PTPRD: variants seen among roughly 807,000 people sequenced by gnomAD.
PTPRD encodes the protein receptor-type tyrosine-protein phosphatase delta.
A neutral mutation model predicts 214.5 loss-of-function variants in PTPRD; 34 were observed. The ratio of observed to expected loss-of-function variants is 0.16; its 90% CI spans 0.12 to 0.21. PTPRD has a LOEUF of 0.21. Among genes scored for constraint, PTPRD ranks in the 10% least tolerant of loss-of-function variants. PTPRD has a pLI of 1.00. For missense variants in PTPRD, 2,545 were observed against 2,398.7 expected (o/e 1.06, Z -1.27); for synonymous variants, 1,128 against 845.7 (o/e 1.33, Z -5.79).
At chr9:8,849,155 C>G (rs902038052) in intron 11 of PTPRD, among the ~76,000 whole-genome samples, 54 of 149,132 alleles carry the variant, frequency 3.6e-4, no homozygotes, top group African/African-American at 1.3e-3. Context: ...TTCAATTCTA[C>G]TCAACTCAAA....
chr9:9,045,147 C>T (rs976066108), intron 10 of PTPRD, among the ~76,000 whole-genome samples: 2 of 152,084 alleles, frequency 1.3e-5, no homozygotes, highest in Admixed American at 6.6e-5. Flanking sequence ...ACTTTACAAC[C>T]TAGGGGATTT....
intron 2 of PTPRD, among the ~76,000 whole-genome samples, chr9:10,610,646 T>C (rs1034494459): frequency 2.0e-5 from 3 of 152,110 alleles, no homozygotes; most frequent in African/African-American, 7.2e-5. Context: ...AAACCAATAA[T>C]AGAAATGTTA....
In PTPRD at chr9:9,370,153, C is replaced by T. The variant is rs1342887927; in HGVS notation, c.-203+27296G>A. Among the ~76,000 whole-genome samples the T allele has an allele frequency of 2.0e-5, 3 of 152,154 alleles. No individual in the cohort carries two copies. In the East Asian group the frequency reaches 5.8e-4, roughly 29 times the overall value. On this transcript the variant is annotated intron_variant, in intron 9 of 45. Coordinates refer to ENST00000381196, the MANE Select transcript of PTPRD (RefSeq NM_002839.4). ...TTTTTTCCAATTCTGTGAAGAAAGTCATTGGTAGCTTGATGGGGATGGCAT... is the reference window on the plus strand; with the variant it reads ...TTTTTTCCAATTCTGTGAAGAAAGTTATTGGTAGCTTGATGGGGATGGCAT...
At chr9:8,799,459 C>T (rs1233046612) in intron 11 of PTPRD, among the ~76,000 whole-genome samples, 2 of 152,168 alleles carry the variant, frequency 1.3e-5, no homozygotes, top group Admixed American at 1.3e-4. Flanking sequence ...GCACTAAATA[C>T]ATCAGCCTAA....
chr9:8,419,470 CCT>C (rs2094200235), intron 35 of PTPRD, among the ~76,000 whole-genome samples: 1 of 151,804 alleles, frequency 6.6e-6, no homozygotes. Flanking sequence ...AAACAAAAAG[CCT>C]AAACAATTTC....
chr9:9,523,375 G>A (rs1430510713), intron 8 of PTPRD, among the ~76,000 whole-genome samples: 1 of 152,112 alleles, frequency 6.6e-6, no homozygotes, highest in Non-Finnish European at 1.5e-5. Context: ...TTGGAGGGGA[G>A]ATATTGGGTT....
At chr9:9,820,866 T>C (rs1177914597) in intron 5 of PTPRD, among the ~76,000 whole-genome samples, 2 of 152,204 alleles carry the variant, frequency 1.3e-5, no homozygotes, top group Non-Finnish European at 2.9e-5. Context: ...ACCAGTACCA[T>C]GCTGTTTTGG....
chr9:8,613,228 T>C (rs2095509112), intron 14 of PTPRD, among the ~76,000 whole-genome samples: 1 of 152,254 alleles, frequency 6.6e-6, no homozygotes, highest in African/African-American at 2.4e-5. Flanking sequence ...CACATGTAGA[T>C]TAAGACAAAG....
chr9:9,328,892 C>T (rs986553441), intron 9 of PTPRD, among the ~76,000 whole-genome samples: 7 of 151,828 alleles, frequency 4.6e-5, no homozygotes, highest in African/African-American at 1.7e-4. Flanking sequence ...CTTGCTTTGG[C>T]CTCCCAAAGT....
chr9:8,909,644 A>G (rs1404849045), intron 11 of PTPRD, among the ~76,000 whole-genome samples: 1 of 152,176 alleles, frequency 6.6e-6, no homozygotes, highest in East Asian at 1.9e-4. Flanking sequence ...CATAATACAT[A>G]ATGATGAAAA....
At chr9:9,306,407 TAAA>T (rs1229513765) in intron 9 of PTPRD, among the ~76,000 whole-genome samples, 1 of 151,060 alleles carries the variant, frequency 6.6e-6, no homozygotes, top group African/African-American at 2.4e-5. Flanking sequence ...CTACTAAAAA[TAAA>T]AAACTAGCTG....
chr9:8,700,165 C>A (rs2098040812), intron 12 of PTPRD, among the ~76,000 whole-genome samples: 1 of 152,144 alleles, frequency 6.6e-6, no homozygotes, highest in Non-Finnish European at 1.5e-5. Context: ...ATGTGACATT[C>A]TGCTGCTGTA....
intron 2 of PTPRD, among the ~76,000 whole-genome samples, chr9:10,409,461 C>G (rs527307975): frequency 6.6e-6 from 1 of 151,790 alleles, no homozygotes; most frequent in South Asian, 2.1e-4. Context: ...AAAATACATC[C>G]ATAAATATGA....
chr9:9,912,429 G>A (rs555308225), intron 5 of PTPRD, among the ~76,000 whole-genome samples: 54 of 152,218 alleles, frequency 3.5e-4, no homozygotes, highest in Non-Finnish European at 7.1e-4. Flanking sequence ...CTATTTCTCT[G>A]GGGTTATCTT....
intron 8 of PTPRD, among the ~76,000 whole-genome samples, chr9:9,557,359 C>G (rs1032303734): frequency 2.0e-5 from 3 of 152,050 alleles, no homozygotes; most frequent in Admixed American, 1.3e-4. Flanking sequence ...AATAAGATAC[C>G]GAACTCCAAC....
intron 8 of PTPRD, among the ~76,000 whole-genome samples, chr9:9,416,075 A>C (rs1033474493): frequency 1.3e-5 from 2 of 152,144 alleles, no homozygotes; most frequent in Non-Finnish European, 2.9e-5. Context: ...TACCTAATAA[A>C]TTGCCAAGTC....
chr9:9,108,467 ATTCT>A (rs1384510176), intron 10 of PTPRD, among the ~76,000 whole-genome samples: 2 of 152,174 alleles, frequency 1.3e-5, no homozygotes, highest in Non-Finnish European at 2.9e-5. Context: ...TATACAACAA[ATTCT>A]TTCTCACTCT....
chr9:9,018,683 G>A lies in PTPRD; in HGVS notation c.-104+14C>T, dbSNP rs1050912810. Reference sequence around the variant, plus strand: ...GAAAGCCAGGCACACAACCCAGTATGCTTTAAATCTTACTTGTTCTTTAGA... The same window carrying A: ...GAAAGCCAGGCACACAACCCAGTATACTTTAAATCTTACTTGTTCTTTAGA... On this transcript the variant is annotated intron_variant, in intron 11 of 45. Transcript: ENST00000381196. 1.3e-5 allele frequency: 2 copies of A among 152,108 alleles called. No homozygotes were observed. Among genetic ancestry groups the A allele is most frequent in the Non-Finnish European group, 2.9e-5 (2 of 68,022 alleles). The allele number at this position is 152,108 out of a possible 1,614,324, so 9.4% of individuals were successfully genotyped here.
chr9:8,799,385 C>T (rs534940553), intron 11 of PTPRD, among the ~76,000 whole-genome samples: 1 of 152,160 alleles, frequency 6.6e-6, no homozygotes, highest in Non-Finnish European at 1.5e-5. Flanking sequence ...CAGGGTGACC[C>T]CTGAAGTTCT....
Sources: allele counts gnomAD v4.1 joint callset (sites outside exome capture counted in the v4.1 genomes callset), GRCh38; gene constraint gnomAD v4.1.1; transcripts MANE v1.5; gene names NCBI Gene and HGNC (gene_info 2026-07-23, HGNC 2026-07-21).